Variants in CATSPERE observed in about 807,000 individuals in gnomAD.
The protein encoded by CATSPERE is catsper channel auxiliary subunit epsilon, also known as cation channel sperm-associated auxiliary subunit epsilon.
In CATSPERE, 93 loss-of-function variants were observed where a neutral mutation model predicts 114.1. The observed-to-expected ratio is 0.81, with a 90% confidence interval of 0.69 to 0.97. The LOEUF (loss-of-function observed/expected upper bound fraction) is 0.97, where lower values mean the gene tolerates loss of function less well. Ranked by LOEUF, CATSPERE falls within the 50% of genes least tolerant of loss-of-function variation. CATSPERE has a pLI of 0.00. For synonymous variants in CATSPERE, 341 were observed against 384.1 expected, an observed-to-expected ratio of 0.89 and a Z score of 1.31; for missense variants, 1,058 against 1,131.6, an observed-to-expected ratio of 0.93 and a Z score of 0.93.
chr1:244,631,524 C>T (rs1482818000), intron 20 of CATSPERE, among the ~76,000 whole-genome samples: 1 of 152,168 alleles, frequency 6.6e-6, no homozygotes, highest in African/African-American at 2.4e-5. Flanking sequence ...AGACAAGCCA[C>T]ACACTGGAAG....
chr1:244,611,880 A>G (rs1293463244), intron 19 of CATSPERE, among the ~76,000 whole-genome samples: 2 of 152,192 alleles, frequency 1.3e-5, no homozygotes, highest in African/African-American at 4.8e-5. Context: ...GATATGGTAC[A>G]ATGGTTCTCA....
intron 8 of CATSPERE, among the ~76,000 whole-genome samples, chr1:244,542,260 G>A (rs1429542664): frequency 2.0e-5 from 3 of 151,912 alleles, no homozygotes; most frequent in African/African-American, 2.4e-5. Context: ...AGCTGCATAG[G>A]GAGTATCTGG....
upstream of CATSPERE, among the ~76,000 whole-genome samples, chr1:244,457,300 G>T (rs750490959): frequency 3.0e-4 from 46 of 152,002 alleles, no homozygotes; most frequent in African/African-American, 1.1e-3. Flanking sequence ...AATTGTAAAG[G>T]GTTCTATAAA....
chr1:244,583,920 C>A lies in CATSPERE; in HGVS notation c.2066C>A (p.Ala689Glu). The change falls in exon 13 of 22, where the codon GCA becomes GAA. Residue 689 changes from alanine (A) to glutamate (E), a missense_variant. Physicochemically the swap from Ala to Glu is moderately radical, Grantham distance 107 (BLOSUM62 -1). Around this residue, in one of 2 missense-constraint regions of CATSPERE, gnomAD observed 787 missense variants for 905.6 expected, o/e 0.87. Coordinates refer to ENST00000366534, the MANE Select transcript of CATSPERE (RefSeq NM_001130957.2). ...TTTCGACCTAGTGAATATTCAAAAG[C>A]ATGTCCAATAGCCCAAAAGGTAAGC... is the stretch of plus-strand genomic sequence containing the variant. ...VQFRPSEYSK[A>E]CPIAQKVFQI... 1 of 1,614,114 alleles carries A rather than the reference C, an allele frequency of 6.2e-7. No homozygotes were observed. The highest frequency in any genetic ancestry group is 2.2e-5 in the East Asian group (1 of 44,880).
Position 244,552,383 on chromosome 1 carries a change from CAA to C in CATSPERE, c.599_600del (p.Gln200ArgfsTer24). On this transcript the variant is annotated frameshift_variant, in exon 9 of 22. Transcript: ENST00000366534. LOFTEE classifies it high-confidence loss of function. The part of the protein sequence containing the change: ...DDALKEIRGN[Q>X]VTFQDCFIAD... Reference sequence around the variant, plus strand: ...TGCACTAAAGGAGATTAGAGGAAACCAAGTTACTTTTCAGGATTGCTTTATTG... The same window carrying C: ...TGCACTAAAGGAGATTAGAGGAAACCGTTACTTTTCAGGATTGCTTTATTG... 6.2e-7 allele frequency: 1 copy of C among 1,614,066 alleles called. No individual in the cohort carries two copies. Among genetic ancestry groups the C allele is most frequent in the Non-Finnish European group, 8.5e-7 (1 of 1,179,978 alleles).
Position 244,572,656 on chromosome 1 carries a change from G to A in CATSPERE, c.1834G>A (p.Val612Ile), listed in dbSNP as rs575227980. Residue 612 changes from valine (V) to isoleucine (I), a missense_variant, in exon 11 of 22, where the codon GTC (valine) becomes ATC (isoleucine). Transcript: ENST00000366534. ...GEALTVWTQI[V>I]YPENTGLYVI... ...GGCTCTGACAGTTTGGACTCAGATCGTCTATCCAGAAAACACTGGTCTGTA... is the reference window on the plus strand; with the variant it reads ...GGCTCTGACAGTTTGGACTCAGATCATCTATCCAGAAAACACTGGTCTGTA... 38 of 1,613,938 alleles carry A rather than the reference G, an allele frequency of 2.4e-5. No homozygotes were observed. Among genetic ancestry groups the A allele is most frequent in the Middle Eastern group, 3.3e-4 (2 of 6,060 alleles).
chr1:244,591,308 A>G (rs1048484278), intron 14 of CATSPERE, among the ~76,000 whole-genome samples: 1 of 152,218 alleles, frequency 6.6e-6, no homozygotes, highest in Non-Finnish European at 1.5e-5. Flanking sequence ...TCAAGAATAC[A>G]ATATATCATG....
intron 7 of CATSPERE, among the ~76,000 whole-genome samples, chr1:244,510,680 G>A (rs1395848263): frequency 1.3e-5 from 2 of 152,000 alleles, no homozygotes; most frequent in African/African-American, 4.8e-5. Context: ...TCTATCTAGA[G>A]TTCTGTCCAA....
intron 20 of CATSPERE, among the ~76,000 whole-genome samples, chr1:244,622,779 CGACAAGA>C: frequency 6.6e-6 from 1 of 152,248 alleles, no homozygotes; most frequent in East Asian, 1.9e-4. Flanking sequence ...TCTTACTCAC[CGACAAGA>C]GTATTTACTT....
chr1:244,581,421 T>C (rs1354083960), intron 11 of CATSPERE, among the ~76,000 whole-genome samples: 1 of 152,214 alleles, frequency 6.6e-6, no homozygotes, highest in Non-Finnish European at 1.5e-5. Context: ...AACATTTCTG[T>C]CAGGTAGAAT....
At chr1:244,494,936 A>G (rs377197280) in intron 6 of CATSPERE, among the ~76,000 whole-genome samples, 5 of 152,346 alleles carry the variant, frequency 3.3e-5, no homozygotes, top group Admixed American at 6.5e-5. Context: ...TCAAAAGCAA[A>G]TAATAATATT....
intron 18 of CATSPERE, among the ~76,000 whole-genome samples, chr1:244,608,139 A>C (rs1468077696): frequency 6.6e-6 from 1 of 152,162 alleles, no homozygotes; most frequent in Non-Finnish European, 1.5e-5. Context: ...TTTAAAAAGA[A>C]TTAAATTTGT....
chr1:244,603,495 A>T (rs1019970512), intron 17 of CATSPERE, among the ~76,000 whole-genome samples: 1 of 152,200 alleles, frequency 6.6e-6, no homozygotes, highest in Non-Finnish European at 1.5e-5. Context: ...AGCCATGCTT[A>T]TATAGACAAG....
At chr1:244,579,318 C>T (rs182138332) in intron 11 of CATSPERE, among the ~76,000 whole-genome samples, 118 of 152,196 alleles carry the variant, frequency 7.8e-4, no homozygotes, top group East Asian at 3.3e-3. Flanking sequence ...CTGCAAATGG[C>T]GCCATGTGTG....
chr1:244,457,037 A>C (rs186733350), upstream of CATSPERE, among the ~76,000 whole-genome samples: 3 of 152,368 alleles, frequency 2.0e-5, no homozygotes, highest in Admixed American at 2.0e-4. Context: ...TCTTACCCTA[A>C]AACAGTAACG....
At position 244,531,100 on chromosome 1, in the gene CATSPERE, G is replaced by T. The variant is rs572690922; in HGVS notation, c.536+12402G>T. Among the ~76,000 whole-genome samples the T allele has an allele frequency of 2.6e-5, 4 of 151,988 alleles. No homozygotes were observed. In the South Asian group the frequency reaches 8.3e-4, roughly 32 times the overall value. On this transcript the variant is annotated intron_variant, in intron 8 of 21. Transcript: ENST00000366534. ...AAAAATTTAAAAAAAGCCGGGTGTG[G>T]TGGCATGTGCCTGTCATCCCAGCTA...
At chr1:244,580,101 A>G (rs1370143238) in intron 11 of CATSPERE, among the ~76,000 whole-genome samples, 6 of 152,048 alleles carry the variant, frequency 3.9e-5, no homozygotes, top group South Asian at 2.1e-4. Context: ...CAGTGGCACA[A>G]TGTTGGTTCA....
At chr1:244,571,745 A>G (rs954337710) in intron 10 of CATSPERE, among the ~76,000 whole-genome samples, 12 of 152,154 alleles carry the variant, frequency 7.9e-5, no homozygotes, top group Admixed American at 6.5e-4. Context: ...TGTCAGGATT[A>G]GTTTCTATGA....
At chr1:244,610,391 CA>C (rs746814285) in intron 19 of CATSPERE, 65 bp downstream of exon 19, 5 of 1,176,146 alleles carry the variant, frequency 4.3e-6, no homozygotes, top group African/African-American at 1.5e-5. Context: ...TTGCTATTAA[CA>C]AAAACTTGAT....
Sources: gnomAD v4.1 joint callset for allele counts (sites outside exome capture counted in the v4.1 genomes callset) on GRCh38, gnomAD v4.1.1 for gene constraint, gnomAD v4.1.1 regional missense constraint, MANE v1.5 for transcripts, NCBI Gene and HGNC (gene_info 2026-07-23, HGNC 2026-07-21) for gene names.